Variants in AFF3 observed in about 807,000 individuals in gnomAD.
AFF3 encodes the protein ALF transcription elongation factor 3, also known as AF4/FMR2 family member 3.
A neutral mutation model predicts 129.7 loss-of-function variants in AFF3; 32 were observed. The observed-to-expected ratio is 0.25, with a 90% CI of 0.19 to 0.33. The LOEUF is 0.33. AFF3 is among the 10% of genes least tolerant of loss of function. The pLI is 1.00. For missense variants in AFF3, 1,373 were observed against 1,592.0 expected (o/e 0.86, Z 2.34); for synonymous variants, 644 against 635.4 (o/e 1.01, Z -0.20).
At chr2:99,805,621 C>G (rs371761155) in intron 8 of AFF3, among the ~76,000 whole-genome samples, 1 of 152,114 alleles carries the variant, frequency 6.6e-6, no homozygotes, top group South Asian at 2.1e-4. Context: ...ACACCACAGC[C>G]GAGTATGCTC....
At chr2:99,914,218 G>GC (rs1211328345) in intron 7 of AFF3, among the ~76,000 whole-genome samples, 1 of 152,170 alleles carries the variant, frequency 6.6e-6, no homozygotes, top group African/African-American at 2.4e-5. Flanking sequence ...AACGAACTGA[G>GC]AAGGACCAGC....
intron 13 of AFF3, among the ~76,000 whole-genome samples, chr2:99,609,711 A>G (rs961713712): frequency 2.6e-5 from 4 of 152,250 alleles, no homozygotes; most frequent in Non-Finnish European, 5.9e-5. Context: ...GAAAAATAGT[A>G]CAGAGATCGT....
intron 12 of AFF3, among the ~76,000 whole-genome samples, 171 bp downstream of exon 12, chr2:99,672,367 G>A (rs983384125): frequency 6.6e-6 from 1 of 152,114 alleles, no homozygotes; most frequent in African/African-American, 2.4e-5. Flanking sequence ...GGAAATTATG[G>A]GCAAGCTATT....
At chr2:99,832,044 A>G (rs1403323530) in intron 8 of AFF3, among the ~76,000 whole-genome samples, 6 of 152,198 alleles carry the variant, frequency 3.9e-5, no homozygotes, top group Non-Finnish European at 8.8e-5. Context: ...TCAGTCCTCT[A>G]GTGTAGTGCT....
In AFF3 at chr2:99,768,367, G is replaced by A. The variant is rs1279577316; in HGVS notation, c.922-16066C>T. On this transcript the variant is annotated intron_variant, in intron 8 of 24. Transcript: ENST00000672756. ...TTTTTATATACATGCACTAAGATGG[G>A]GATTATATTAATATATGTATATTTA... Among the ~76,000 whole-genome samples the A allele has an allele frequency of 2.0e-5, 3 of 151,910 alleles. No homozygotes were observed. In the East Asian group the frequency reaches 5.8e-4, roughly 29 times the overall value.
intron 8 of AFF3, among the ~76,000 whole-genome samples, chr2:99,813,730 T>C (rs1209369244): frequency 6.6e-6 from 1 of 152,192 alleles, no homozygotes; most frequent in Non-Finnish European, 1.5e-5. Flanking sequence ...TTCACACAGA[T>C]GGAATTTTGG....
chr2:99,606,680 A>G (rs7558495), intron 13 of AFF3, among the ~76,000 whole-genome samples: 82,144 of 151,756 alleles, frequency 0.54, 22,429 homozygotes, highest in African/African-American at 0.62. Flanking sequence ...CACTTTGGGA[A>G]GCCGAGGCGG....
At chr2:99,838,288 C>T (rs1294293256) in intron 7 of AFF3, among the ~76,000 whole-genome samples, 2 of 152,078 alleles carry the variant, frequency 1.3e-5, no homozygotes, top group African/African-American at 4.8e-5. Flanking sequence ...TACCTGTGGT[C>T]TCAGGGAGAT....
At chr2:100,062,170 A>C (rs1687345220) in intron 4 of AFF3, among the ~76,000 whole-genome samples, 1 of 152,178 alleles carries the variant, frequency 6.6e-6, no homozygotes. Context: ...GATGAGGCAG[A>C]TCTCATAAAA....
At chr2:100,118,475 A>G (rs1434118445) in intron 2 of AFF3, among the ~76,000 whole-genome samples, 1 of 152,206 alleles carries the variant, frequency 6.6e-6, no homozygotes, top group East Asian at 1.9e-4. Flanking sequence ...TGATAAATCA[A>G]TGAAATAACA....
rs1299796410 is a variant in AFF3 at position 99,594,202 on chromosome 2, C to T, written c.1459G>A (p.Glu487Lys). 1 of 1,614,126 alleles carries T rather than the reference C, an allele frequency of 6.2e-7. No homozygotes were observed. Among genetic ancestry groups the T allele is most frequent in the East Asian group, 2.2e-5 (1 of 44,870 alleles). The change falls in exon 15 of 25, where the codon GAA becomes AAA. Residue 487 changes from glutamate to lysine, a missense_variant. Glu to Lys is a moderately conservative substitution (Grantham distance 56). Around this residue, in one of 9 missense-constraint regions of AFF3, gnomAD observed 413 missense variants for 424.4 expected, o/e 0.97. Coordinates refer to ENST00000672756, the MANE Select transcript of AFF3 (RefSeq NM_001386135.1). ...TGATTGCTCTCTGACCCGTGGCTTT[C>T]ATTTTGGATCAGAATAGGAGGCTTG... ...PHKPPILIQN[E>K]SHGSESNQYY...
intron 11 of AFF3, among the ~76,000 whole-genome samples, chr2:99,693,015 G>A (rs1259883216): frequency 1.3e-5 from 2 of 152,220 alleles, no homozygotes; most frequent in Admixed American, 1.3e-4. Flanking sequence ...GCAAACTGCT[G>A]CAGTCACCAA....
intron 8 of AFF3, among the ~76,000 whole-genome samples, chr2:99,797,167 T>G (rs1054440014): frequency 1.3e-5 from 2 of 152,180 alleles, no homozygotes; most frequent in Non-Finnish European, 2.9e-5. Context: ...GCCACAGGTG[T>G]CAGACTTATT....
rs1674144391 is a variant in AFF3 at position 99,547,890 on chromosome 2, T to C, written c.*3584A>G. On this transcript the variant is annotated 3_prime_UTR_variant, in exon 25 of 25. Transcript: ENST00000672756. ...ATAAGTTTTAGTGCAGAAAGTCTCA[T>C]TGCATTGCATTCCATGTGTTCAATC... 4.7e-6 allele frequency: 1 copy of C among 213,358 alleles called. No individual in the cohort carries two copies. The highest frequency in any genetic ancestry group is 2.3e-5 in the African/African-American group (1 of 44,326). The allele number at this position is 213,358 out of a possible 1,614,324, so 13.2% of individuals were successfully genotyped here.
intron 7 of AFF3, among the ~76,000 whole-genome samples, chr2:99,978,547 C>T (rs1048411202): frequency 6.6e-6 from 1 of 152,262 alleles, no homozygotes; most frequent in Admixed American, 6.5e-5. Context: ...TCATTCTCCC[C>T]CCAGACAAAC....
chr2:100,134,701 C>T (rs1301515258), intron 1 of AFF3, among the ~76,000 whole-genome samples: 1 of 152,200 alleles, frequency 6.6e-6, no homozygotes, highest in Admixed American at 6.5e-5. Context: ...TTACTCTCCT[C>T]TCCACCACCC....
intron 11 of AFF3, among the ~76,000 whole-genome samples, chr2:99,688,920 T>C (rs1188673405): frequency 6.6e-6 from 1 of 152,186 alleles, no homozygotes; most frequent in East Asian, 1.9e-4. Context: ...AATCCCTACT[T>C]GGATGTGCCT....
At chr2:100,075,321 G>A (rs771114029) in intron 4 of AFF3, among the ~76,000 whole-genome samples, 1 of 152,088 alleles carries the variant, frequency 6.6e-6, no homozygotes, top group African/African-American at 2.4e-5. Flanking sequence ...TAGCAAAGAC[G>A]TCTTCAAGAA....
intron 7 of AFF3, among the ~76,000 whole-genome samples, chr2:99,937,179 A>G (rs917751157): frequency 3.9e-5 from 6 of 152,284 alleles, no homozygotes; most frequent in East Asian, 3.9e-4. Context: ...AAATGTTCCA[A>G]TGAGAAGTTC....
Sources: allele counts gnomAD v4.1 joint callset (sites outside exome capture counted in the v4.1 genomes callset), GRCh38; gene constraint gnomAD v4.1.1; regional missense constraint gnomAD v4.1.1; transcripts MANE v1.5; gene names NCBI Gene and HGNC (gene_info 2026-07-23, HGNC 2026-07-21).